JAG1: variants seen among roughly 807,000 people sequenced by gnomAD.
JAG1 encodes the protein protein jagged-1.
A neutral mutation model predicts 148.7 loss-of-function variants in JAG1; 23 were observed. The ratio of observed to expected loss-of-function variants is 0.15; its 90% CI spans 0.11 to 0.22. The LOEUF is 0.22. Among genes scored for constraint, JAG1 ranks in the 10% least tolerant of loss-of-function variants. The pLI, the probability that JAG1 is intolerant of heterozygous loss-of-function variation, is 1.00. For synonymous variants in JAG1, 572 were observed against 598.3 expected (o/e 0.96, Z 0.64); for missense variants, 1,054 against 1,611.2 (o/e 0.65, Z 5.92).
intron 13 of JAG1, chr20:10,647,322 A>G: frequency 6.3e-6 from 2 of 318,080 alleles, no homozygotes; most frequent in East Asian, 4.4e-5. Flanking sequence ...TTCTCCCTCC[A>G]CACAACCAGG....
At chr20:10,665,910 A>G (rs1444023285) in intron 2 of JAG1, among the ~76,000 whole-genome samples, 1 of 152,200 alleles carries the variant, frequency 6.6e-6, no homozygotes, top group East Asian at 1.9e-4. Context: ...GCAGTCTACC[A>G]GGCTCATCCT....
intron 14 of JAG1, 73 bp from the exon 15 acceptor site, chr20:10,646,157 T>G: frequency 9.4e-7 from 1 of 1,069,256 alleles, no homozygotes; most frequent in Non-Finnish European, 1.4e-6. Flanking sequence ...TTCAGCAGTT[T>G]TCATGGCTCC....
At chr20:10,658,191 T>C (rs1422792555) in intron 4 of JAG1, among the ~76,000 whole-genome samples, 1 of 152,220 alleles carries the variant, frequency 6.6e-6, no homozygotes, top group African/African-American at 2.4e-5. Flanking sequence ...GAATGGGGCA[T>C]GCACTGGTTT....
At chr20:10,640,034 A>G in intron 25 of JAG1, 79 bp from the exon 26 acceptor site, 1 of 1,137,680 alleles carries the variant, frequency 8.8e-7, no homozygotes, top group Non-Finnish European at 1.3e-6. Flanking sequence ...AAGAATACCA[A>G]CAGTGGTTCT....
chr20:10,645,029 G>T lies in JAG1; in HGVS notation c.2228-50C>A. On this transcript the variant is annotated intron_variant, in intron 17 of 25. Coordinates refer to ENST00000254958, the MANE Select transcript of JAG1 (RefSeq NM_000214.3). The surrounding 1 kb of genome is among the most constrained non-coding windows in gnomAD (Gnocchi z 6.1). ...CACCCTCCCTGAGTATCCAGAAACA[G>T]TCTGGAGGGGCAAGAACCAGGCCCA... 6.5e-7 allele frequency: 1 copy of T among 1,529,556 alleles called. No homozygotes were observed. The highest frequency in any genetic ancestry group is 1.1e-5 in the South Asian group (1 of 89,434). 94.7% of individuals were successfully genotyped at this position (1,529,556 alleles called of 1,614,324 possible).
chr20:10,667,218 CGACAGGCAG>C (rs1568804696), intron 2 of JAG1, among the ~76,000 whole-genome samples: 1 of 152,194 alleles, frequency 6.6e-6, no homozygotes, highest in Non-Finnish European at 1.5e-5. Context: ...CAGGCTGCTG[CGACAGGCAG>C]GCCCGCCGGC....
At position 10,664,021 on chromosome 20, in the gene JAG1, GA is replaced by G. The variant is rs760378463; in HGVS notation, c.388-8del. ...CAAGCAACGTATAGGACCTCTGCAA[GA>G]CAAACAAACAATTTAGCAATTCAGA... On this transcript the variant is annotated splice_polypyrimidine_tract_variant and splice_region_variant and intron_variant, in intron 2 of 25. Transcript: ENST00000254958. 2 of 1,612,920 alleles carry G rather than the reference GA, an allele frequency of 1.2e-6. No individual in the cohort carries two copies. The highest frequency in any genetic ancestry group is 1.7e-6 in the Non-Finnish European group (2 of 1,178,892).
chr20:10,657,224 G>A (rs2067384749), intron 4 of JAG1, among the ~76,000 whole-genome samples: 1 of 151,986 alleles, frequency 6.6e-6, no homozygotes, highest in Non-Finnish European at 1.5e-5. Flanking sequence ...GCTGGGTGTG[G>A]TGGCATGTGC....
At chr20:10,648,521 G>A (rs2067324368) in intron 12 of JAG1, 28 bp downstream of exon 12, 7 of 1,605,238 alleles carry the variant, frequency 4.4e-6, no homozygotes, top group South Asian at 3.3e-5. Context: ...CTAAAAACTT[G>A]GCCATCTGAG....
intron 2 of JAG1, among the ~76,000 whole-genome samples, chr20:10,670,586 G>A (rs762721783): frequency 1.1e-4 from 17 of 152,140 alleles, no homozygotes; most frequent in Non-Finnish European, 1.9e-4. Context: ...GGACTGTGCC[G>A]TTTCTCCAAC....
At chr20:10,667,022 A>C (rs1348390226) in intron 2 of JAG1, among the ~76,000 whole-genome samples, 1 of 152,210 alleles carries the variant, frequency 6.6e-6, no homozygotes, top group African/African-American at 2.4e-5. Context: ...GTAAGCACTT[A>C]ATTGCCACAT....
intron 3 of JAG1, chr20:10,662,242 C>T (rs1247799131): frequency 6.6e-6 from 1 of 152,146 alleles, no homozygotes; most frequent in African/African-American, 2.4e-5. Flanking sequence ...TGATTACCCC[C>T]CCAGGAGATG....
intron 2 of JAG1, among the ~76,000 whole-genome samples, chr20:10,665,463 C>T (rs906650775): frequency 7.9e-5 from 12 of 152,300 alleles, no homozygotes; most frequent in African/African-American, 2.9e-4. Flanking sequence ...GGTCCAAATT[C>T]ATTGCTGTTG....
At position 10,645,006 on chromosome 20, in the gene JAG1, C is replaced by A; in HGVS notation, c.2228-27G>T. The A allele has an allele frequency of 6.3e-7, 1 of 1,583,474 alleles. No homozygotes were observed. Among genetic ancestry groups the A allele is most frequent in the Admixed American group, 1.7e-5 (1 of 59,986 alleles). ...TATAAAAGAAGAGCAGACACGACCA[C>A]CCTCCCTGAGTATCCAGAAACAGTC... On this transcript the variant is annotated intron_variant, in intron 17 of 25. Transcript: ENST00000254958. The surrounding 1 kb of genome is among the most constrained non-coding windows in gnomAD (Gnocchi z 6.1).
intron 4 of JAG1, 133 bp downstream of exon 4, chr20:10,658,335 T>C (rs1015663384): frequency 2.6e-6 from 3 of 1,145,444 alleles, no homozygotes; most frequent in Admixed American, 3.4e-5. Context: ...CGCATCTTCA[T>C]ACTGCAGGCC....
Position 10,646,973 on chromosome 20 carries a change from A to G in JAG1, c.1851T>C (p.Cys617=). The G allele has an allele frequency of 6.2e-7, 1 of 1,614,208 alleles. No individual in the cohort carries two copies. Among genetic ancestry groups the G allele is most frequent in the Non-Finnish European group, 8.5e-7 (1 of 1,180,040 alleles). ...SQSGGKFTCD[C]NKGFTGTYCH... ...AGTATGTTCCCGTGAAGCCTTTGTT[A>G]CAGTCACAGGTGAATTTGCCTCCCG... Residue 617 remains cysteine (C), a synonymous_variant, in exon 14 of 26, where the codon TGT becomes TGC. Transcript: ENST00000254958.
intron 2 of JAG1, among the ~76,000 whole-genome samples, chr20:10,667,037 A>T (rs2067458735): frequency 6.6e-6 from 1 of 152,230 alleles, no homozygotes; most frequent in African/African-American, 2.4e-5. Flanking sequence ...CCACATTAAG[A>T]AGGGGGGATG....
chr20:10,643,809 G>A lies in JAG1; in HGVS notation c.2427C>T (p.Ala809=), dbSNP rs1600180637. 6.2e-7 allele frequency: 1 copy of A among 1,614,088 alleles called. No individual in the cohort carries two copies. Among genetic ancestry groups the A allele is most frequent in the Non-Finnish European group, 8.5e-7 (1 of 1,179,978 alleles). ...DGDNWYRCEC[A]PGFAGPDCRI... is the part of the protein sequence containing the mutation. ...TGCAGTCGGGCCCAGCAAAACCCGG[G>A]GCACATTCGCACCGGTACCAGTTGT... The change falls in exon 20 of 26, where the codon GCC becomes GCT. Residue 809 remains alanine (A), a synonymous_variant. Coordinates refer to ENST00000254958, the MANE Select transcript of JAG1 (RefSeq NM_000214.3).
chr20:10,670,813 G>C (rs1469590902), intron 2 of JAG1, among the ~76,000 whole-genome samples: 2 of 152,154 alleles, frequency 1.3e-5, no homozygotes, highest in African/African-American at 4.8e-5. Context: ...TTGGTGACCC[G>C]TGGGGCCTGA....
Sources: gnomAD v4.1 joint callset for allele counts (sites outside exome capture counted in the v4.1 genomes callset) on GRCh38, gnomAD v4.1.1 for gene constraint, Gnocchi (gnomAD v3.1) non-coding constraint, MANE v1.5 for transcripts, NCBI Gene and HGNC (gene_info 2026-07-23, HGNC 2026-07-21) for gene names.